The following TSG101 variants were observed in gnomAD, a reference collection of about 807,000 sequenced individuals.
The protein encoded by TSG101 is tumor susceptibility gene 101 protein.
TSG101 carries 19 observed loss-of-function variants against 48.5 expected under a neutral mutation model. The ratio of observed to expected loss-of-function variants is 0.39; its 90% CI spans 0.27 to 0.58. TSG101 has a LOEUF of 0.58. TSG101 is among the 20% of genes least tolerant of loss of function. The pLI, the probability that TSG101 is intolerant of heterozygous loss-of-function variation, is 0.55. For missense variants in TSG101, 365 were observed against 484.4 expected (o/e 0.75, Z 2.31); for synonymous variants, 174 against 169.4 (o/e 1.03, Z -0.21).
chr11:18,507,120 T>C (rs868540277), intron 5 of TSG101, among the ~76,000 whole-genome samples, 197 bp from the exon 6 acceptor site: 1 of 152,208 alleles, frequency 6.6e-6, no homozygotes, highest in Admixed American at 6.5e-5. Context: ...ACAATACTTA[T>C]GACAATCCCT....
At chr11:18,517,574 G>A (rs1850200516) in intron 2 of TSG101, among the ~76,000 whole-genome samples, 2 of 152,150 alleles carry the variant, frequency 1.3e-5, no homozygotes, top group Non-Finnish European at 2.9e-5. Flanking sequence ...TTATAATACT[G>A]TATTTTTACT....
At chr11:18,520,900 C>G (rs4388870) in intron 1 of TSG101, among the ~76,000 whole-genome samples, 151,027 of 152,120 alleles carry the variant, frequency 0.99, 74,984 homozygotes, top group Middle Eastern at 1. Flanking sequence ...GCGTGGTGGT[C>G]CGCACCTATA....
Position 18,480,474 on chromosome 11 carries a change from TG to T in TSG101, c.*71del. 8.6e-7 allele frequency: 1 copy of T among 1,166,462 alleles called. No homozygotes were observed. Among genetic ancestry groups the T allele is most frequent in the South Asian group, 1.4e-5 (1 of 72,536 alleles). 72.3% of individuals were successfully genotyped at this position (1,166,462 alleles called of 1,614,324 possible). A position where few individuals can be genotyped will look rare whatever the true frequency, so the allele number is the denominator to read the frequency against. ...AATGATAAACTGCAATAACTTATTC[TG>T]GGCACCTACTGATAAAAGGAAGAGA... On this transcript the variant is annotated 3_prime_UTR_variant, in exon 10 of 10. Coordinates refer to ENST00000251968, the MANE Select transcript of TSG101 (RefSeq NM_006292.4).
At chr11:18,521,669 C>CT (rs1565096217) in intron 1 of TSG101, among the ~76,000 whole-genome samples, 50 of 111,444 alleles carry the variant, frequency 4.5e-4, no homozygotes, top group Middle Eastern at 5.6e-3. Context: ...CTGGCCCCTT[C>CT]CTTTTTTTTT....
chr11:18,522,712 C>T lies in TSG101; in HGVS notation c.43-3109G>A, dbSNP rs116926675. Among the ~76,000 whole-genome samples the T allele has an allele frequency of 2.6e-4, 39 of 152,304 alleles. No individual in the cohort carries two copies. In the East Asian group the frequency reaches 7.1e-3, roughly 28 times the overall value. On this transcript the variant is annotated intron_variant, in intron 1 of 9. Transcript: ENST00000251968. ...CCTTACAATGGCCTGCAAGGCCCTC[C>T]AAACCTCCCATACCATTGATGCTGT...
chr11:18,498,588 C>T (rs368824082), intron 7 of TSG101, among the ~76,000 whole-genome samples: 11 of 152,140 alleles, frequency 7.2e-5, no homozygotes, highest in South Asian at 2.1e-4. Flanking sequence ...ATTGAGAATT[C>T]GGTTTTGGTT....
chr11:18,504,034 T>C (rs1241130050), intron 6 of TSG101, among the ~76,000 whole-genome samples: 3 of 151,736 alleles, frequency 2.0e-5, no homozygotes, highest in African/African-American at 7.3e-5. Context: ...CGAAACCATT[T>C]CTACAAAAAT....
At chr11:18,500,960 C>T (rs554254953) in intron 7 of TSG101, among the ~76,000 whole-genome samples, 3 of 152,112 alleles carry the variant, frequency 2.0e-5, no homozygotes, top group Middle Eastern at 3.2e-3. Context: ...TGTACCACCA[C>T]GCCCAGATTT....
chr11:18,516,038 G>T, intron 3 of TSG101, 61 bp downstream of exon 3: 2 of 1,451,856 alleles, frequency 1.4e-6, no homozygotes, highest in Non-Finnish European at 1.9e-6. Flanking sequence ...ATAACTCTTT[G>T]GCAACATATT....
At chr11:18,485,850 C>T (rs927438489) in intron 7 of TSG101, among the ~76,000 whole-genome samples, 2 of 152,142 alleles carry the variant, frequency 1.3e-5, no homozygotes, top group Non-Finnish European at 1.5e-5. Flanking sequence ...GGTGGGTCCC[C>T]GGTGAAACGC....
At chr11:18,526,655 G>T in intron 1 of TSG101, 120 bp downstream of exon 1, 1 of 1,243,056 alleles carries the variant, frequency 8.0e-7, no homozygotes, top group South Asian at 1.4e-5. Flanking sequence ...GGTCGCTAAG[G>T]ACTGCACCGG....
At chr11:18,517,362 CTATCTATAATTTA>C (rs1317159409) in intron 2 of TSG101, among the ~76,000 whole-genome samples, 1 of 152,140 alleles carries the variant, frequency 6.6e-6, no homozygotes, top group African/African-American at 2.4e-5. Context: ...ACACATTTTT[CTATCTATAATTTA>C]TGTCTATAAT....
intron 4 of TSG101, among the ~76,000 whole-genome samples, chr11:18,512,319 A>G (rs920317520): frequency 6.6e-6 from 1 of 152,102 alleles, no homozygotes; most frequent in Non-Finnish European, 1.5e-5. Flanking sequence ...GGCAGTCTCT[A>G]TTCTACTGAG....
intron 6 of TSG101, 34 bp from the exon 7 acceptor site, chr11:18,502,611 A>C (rs763612554): frequency 5.2e-6 from 8 of 1,529,192 alleles, no homozygotes; most frequent in African/African-American, 2.7e-5. Flanking sequence ...TTAACATTTA[A>C]GATGACCCAA....
chr11:18,514,691 T>C lies in TSG101; in HGVS notation c.344A>G (p.His115Arg). ...ANGKIYLPYL[H>R]EWKHPQSDLL... is the part of the protein sequence containing the mutation. Reference sequence around the variant, plus strand: ...ATGAATACTTACGTGTTTCCATTCATGTAGATAAGGAAGATATATCTTCCC... The same window carrying C: ...ATGAATACTTACGTGTTTCCATTCACGTAGATAAGGAAGATATATCTTCCC... Residue 115 changes from histidine (H) to arginine (R), a missense_variant, in exon 4 of 10, where the codon CAT becomes CGT. His to Arg is a conservative substitution (Grantham distance 29). Transcript: ENST00000251968. 1 of 1,575,718 alleles carries C rather than the reference T, an allele frequency of 6.3e-7. No individual in the cohort carries two copies. Among genetic ancestry groups the C allele is most frequent in the Non-Finnish European group, 8.6e-7 (1 of 1,168,708 alleles).
intron 7 of TSG101, chr11:18,490,896 A>T: frequency 2.1e-6 from 1 of 482,934 alleles, no homozygotes; most frequent in Non-Finnish European, 4.1e-6. Context: ...CAGCCATATC[A>T]TCATAGCGCT....
At chr11:18,514,953 C>G in intron 3 of TSG101, 112 bp from the exon 4 acceptor site, 1 of 946,786 alleles carries the variant, frequency 1.1e-6, no homozygotes, top group Non-Finnish European at 1.5e-6. Context: ...TATCCGCATC[C>G]CCCCCATTCC....
chr11:18,502,255 T>C (rs1194977753), intron 7 of TSG101, among the ~76,000 whole-genome samples: 1 of 152,218 alleles, frequency 6.6e-6, no homozygotes, highest in African/African-American at 2.4e-5. Flanking sequence ...CAAATAAAAC[T>C]ATGTGATCAA....
At chr11:18,516,941 GCAAA>G (rs1344346962) in intron 2 of TSG101, among the ~76,000 whole-genome samples, 7 of 152,070 alleles carry the variant, frequency 4.6e-5, no homozygotes, top group South Asian at 2.1e-4. Flanking sequence ...AAACTCCACT[GCAAA>G]CAAACAAACA....
Sources: allele counts gnomAD v4.1 joint callset (sites outside exome capture counted in the v4.1 genomes callset), GRCh38; gene constraint gnomAD v4.1.1; transcripts MANE v1.5; gene names NCBI Gene and HGNC (gene_info 2026-07-23, HGNC 2026-07-21).